Variants in KCND2 observed in about 807,000 individuals in gnomAD.
KCND2 encodes A-type voltage-gated potassium channel KCND2.
In KCND2, 16 loss-of-function variants were observed where a neutral mutation model predicts 54.4. The ratio of observed to expected loss-of-function variants is 0.29; its 90% CI spans 0.20 to 0.45. The LOEUF (loss-of-function observed/expected upper bound fraction) is 0.45, where lower values mean the gene tolerates loss of function less well. KCND2 is among the 20% of genes least tolerant of loss of function. The pLI, the probability that KCND2 is intolerant of heterozygous loss-of-function variation, is 1.00. For missense variants in KCND2, 486 were observed against 824.2 expected (o/e 0.59, Z 5.02); for synonymous variants, 317 against 310.7 (o/e 1.02, Z -0.21).
chr7:120,442,507 G>GCCTAAAA (rs1801958769), intron 1 of KCND2, among the ~76,000 whole-genome samples: 1 of 151,528 alleles, frequency 6.6e-6, no homozygotes, highest in African/African-American at 2.4e-5. Flanking sequence ...AAAAGTAAGT[G>GCCTAAAA]GTGACCTAAA....
intron 1 of KCND2, among the ~76,000 whole-genome samples, chr7:120,337,717 CT>C (rs1399146944): frequency 6.6e-6 from 1 of 152,046 alleles, no homozygotes; most frequent in African/African-American, 2.4e-5. Flanking sequence ...AAGCACAAGT[CT>C]AGAAAGAGCA....
intron 1 of KCND2, among the ~76,000 whole-genome samples, chr7:120,689,375 A>G (rs557288822): frequency 1.3e-5 from 2 of 152,346 alleles, no homozygotes; most frequent in South Asian, 4.1e-4. Context: ...CCTTAAATAC[A>G]TAGATTGAAA....
At chr7:120,501,901 G>A (rs185452337) in intron 1 of KCND2, among the ~76,000 whole-genome samples, 297 of 152,140 alleles carry the variant, frequency 2.0e-3, no homozygotes, top group Middle Eastern at 6.8e-3. Context: ...CTAAGTTAAA[G>A]TTTTTCAGAA....
intron 1 of KCND2, among the ~76,000 whole-genome samples, chr7:120,498,134 C>A (rs760938471): frequency 3.3e-5 from 5 of 152,102 alleles, no homozygotes; most frequent in African/African-American, 1.2e-4. Context: ...TACCTTACAA[C>A]GGACAGCAGA....
intron 1 of KCND2, among the ~76,000 whole-genome samples, chr7:120,457,994 A>T (rs1253613149): frequency 6.6e-6 from 1 of 152,126 alleles, no homozygotes; most frequent in Non-Finnish European, 1.5e-5. Flanking sequence ...TTCCTTATTG[A>T]TATGGTGGCA....
chr7:120,306,546 T>A (rs1437238115), intron 1 of KCND2, among the ~76,000 whole-genome samples: 1 of 152,082 alleles, frequency 6.6e-6, no homozygotes, highest in Non-Finnish European at 1.5e-5. Flanking sequence ...TTAATATAAA[T>A]AATTAGTGAT....
chr7:120,700,247 A>G (rs867959228), intron 1 of KCND2, among the ~76,000 whole-genome samples: 27 of 152,236 alleles, frequency 1.8e-4, no homozygotes, highest in African/African-American at 6.5e-4. Flanking sequence ...TTTAATGGCA[A>G]TGTTTAGAGC....
chr7:120,464,385 A>C (rs1802336942), intron 1 of KCND2, among the ~76,000 whole-genome samples: 1 of 152,164 alleles, frequency 6.6e-6, no homozygotes, highest in South Asian at 2.1e-4. Flanking sequence ...CTAATGGTTG[A>C]AGAAGCAGAC....
intron 1 of KCND2, among the ~76,000 whole-genome samples, chr7:120,517,162 A>G (rs1803208086): frequency 1.3e-5 from 2 of 152,080 alleles, no homozygotes; most frequent in African/African-American, 2.4e-5. Context: ...AAGCAATTCC[A>G]TTTACCAAAA....
intron 1 of KCND2, among the ~76,000 whole-genome samples, chr7:120,565,011 A>G (rs1428911897): frequency 3.3e-5 from 5 of 152,142 alleles, no homozygotes; most frequent in African/African-American, 1.2e-4. Context: ...GGGGATTCTC[A>G]TTTTCCATAT....
At chr7:120,483,139 T>C (rs753633119) in intron 1 of KCND2, among the ~76,000 whole-genome samples, 4 of 152,194 alleles carry the variant, frequency 2.6e-5, no homozygotes, top group Non-Finnish European at 5.9e-5. Context: ...TTTTATGCTT[T>C]ATCGATTATG....
In KCND2 at chr7:120,312,898, T is replaced by A. The variant is rs892744426; in HGVS notation, c.1115+37151T>A. On this transcript the variant is annotated intron_variant, in intron 1 of 5. Coordinates refer to ENST00000331113, the MANE Select transcript of KCND2 (RefSeq NM_012281.3). ...AAAAAGGAAAACTTGTGACTTTTTT[T>A]AAAAAAAAGACTGATGACATCCTTC... Among the ~76,000 whole-genome samples, 32 of 152,094 alleles carry A rather than the reference T, an allele frequency of 2.1e-4. No homozygotes were observed. In the East Asian group the frequency reaches 2.9e-3, roughly 14 times the overall value.
chr7:120,707,641 G>A (rs949134199), intron 1 of KCND2, among the ~76,000 whole-genome samples: 1 of 152,072 alleles, frequency 6.6e-6, no homozygotes, highest in African/African-American at 2.4e-5. Flanking sequence ...TTAAGCTTAC[G>A]ATTTATCAAC....
chr7:120,526,453 G>A (rs1791775148), intron 1 of KCND2, among the ~76,000 whole-genome samples: 1 of 152,052 alleles, frequency 6.6e-6, no homozygotes, highest in Non-Finnish European at 1.5e-5. Flanking sequence ...ACCTACTTAA[G>A]GAAATTTCTT....
chr7:120,438,648 A>G (rs1353409430), intron 1 of KCND2, among the ~76,000 whole-genome samples: 2 of 152,140 alleles, frequency 1.3e-5, no homozygotes, highest in Non-Finnish European at 2.9e-5. Flanking sequence ...TATGATGTAC[A>G]TTACAAGAAT....
chr7:120,316,150 A>G (rs1799808497), intron 1 of KCND2, among the ~76,000 whole-genome samples: 1 of 152,236 alleles, frequency 6.6e-6, no homozygotes, highest in Non-Finnish European at 1.5e-5. Flanking sequence ...TCCATTTTAG[A>G]AACCTAAAAG....
rs572141694 is a variant in KCND2, at chr7:120,563,100, A to T, written c.1116-169803A>T. On this transcript the variant is annotated intron_variant, in intron 1 of 5. Transcript: ENST00000331113. The stretch of plus-strand genomic sequence containing the variant: ...CTGATTAAGCCATATCTTGTTTATC[A>T]TAGTTAGAGGTTCTAATGTTATTAA... 2.8e-4 allele frequency among the ~76,000 whole-genome samples: 43 copies of T among 152,286 alleles called. No individual in the cohort carries two copies. In the South Asian group the frequency reaches 3.1e-3, roughly 11 times the overall value.
chr7:120,372,736 C>T (rs535308657), intron 1 of KCND2, among the ~76,000 whole-genome samples: 19 of 151,834 alleles, frequency 1.3e-4, no homozygotes, highest in Non-Finnish European at 2.7e-4. Flanking sequence ...AATAGAAATT[C>T]GTCTTTTTGT....
chr7:120,740,979 A>C (rs1478631760), intron 2 of KCND2: 1 of 408,194 alleles, frequency 2.4e-6, no homozygotes, highest in African/African-American at 2.1e-5. Flanking sequence ...ACCTAGGCTA[A>C]TTTAAAGGAT....
Sources: gnomAD v4.1 joint callset for allele counts (sites outside exome capture counted in the v4.1 genomes callset) on GRCh38, gnomAD v4.1.1 for gene constraint, MANE v1.5 for transcripts, NCBI Gene and HGNC (gene_info 2026-07-23, HGNC 2026-07-21) for gene names.